AGBL4: variants seen among roughly 807,000 people sequenced by gnomAD.
The protein encoded by AGBL4 is cytosolic carboxypeptidase 6.
AGBL4 carries 58 observed loss-of-function variants against 66.4 expected under a neutral mutation model. That is an observed-to-expected ratio of 0.87 (90% CI 0.71 to 1.09). AGBL4 has a LOEUF of 1.09. AGBL4 is among the 50% of genes least tolerant of loss of function. The probability of loss-of-function intolerance (pLI) is 0.00; values close to 1 mark genes in which losing one functional copy is unlikely to be tolerated. For synonymous variants in AGBL4, 234 were observed against 222.9 expected, an observed-to-expected ratio of 1.05 and a Z score of -0.44; for missense variants, 579 against 631.0, an observed-to-expected ratio of 0.92 and a Z score of 0.88.
chr1:48,632,716 G>A (rs1438744822), intron 9 of AGBL4, among the ~76,000 whole-genome samples: 2 of 152,186 alleles, frequency 1.3e-5, no homozygotes, highest in Non-Finnish European at 2.9e-5. Context: ...AACTCAACAT[G>A]CAGTTATTGA....
chr1:49,767,338 C>T (rs1571522176), intron 2 of AGBL4, among the ~76,000 whole-genome samples: 1 of 151,970 alleles, frequency 6.6e-6, no homozygotes, highest in East Asian at 1.9e-4. Context: ...GAAAATTAAA[C>T]AACTTGATCC....
At chr1:49,310,200 A>G (rs1644919406) in intron 3 of AGBL4, among the ~76,000 whole-genome samples, 1 of 152,158 alleles carries the variant, frequency 6.6e-6, no homozygotes, top group South Asian at 2.1e-4. Context: ...ACAATGTGCC[A>G]GATTAAGTAG....
At chr1:49,978,155 C>T (rs972935722) in intron 1 of AGBL4, among the ~76,000 whole-genome samples, 1 of 152,142 alleles carries the variant, frequency 6.6e-6, no homozygotes, top group Non-Finnish European at 1.5e-5. Context: ...CACAAACATA[C>T]ATACAAATAA....
intron 6 of AGBL4, among the ~76,000 whole-genome samples, chr1:48,834,362 A>C (rs1240164632): frequency 6.6e-6 from 1 of 152,132 alleles, no homozygotes; most frequent in African/African-American, 2.4e-5. Flanking sequence ...TTTGCATGAG[A>C]GAACGATGTG....
chr1:49,222,171 A>G (rs1187067505), intron 4 of AGBL4, among the ~76,000 whole-genome samples: 1 of 152,158 alleles, frequency 6.6e-6, no homozygotes, highest in Non-Finnish European at 1.5e-5. Context: ...CCCATATTAT[A>G]TATGTCTTTA....
intron 3 of AGBL4, among the ~76,000 whole-genome samples, chr1:49,321,840 T>G: frequency 6.6e-6 from 1 of 152,194 alleles, no homozygotes; most frequent in East Asian, 1.9e-4. Flanking sequence ...GTGATTATCG[T>G]TGGCCAATAA....
intron 3 of AGBL4, among the ~76,000 whole-genome samples, chr1:49,617,035 C>A (rs187048700): frequency 6.6e-6 from 1 of 152,244 alleles, no homozygotes; most frequent in Admixed American, 6.5e-5. Context: ...TGGTGCCACT[C>A]CAGGATTCAC....
At chr1:49,760,106 T>G (rs1470612870) in intron 2 of AGBL4, among the ~76,000 whole-genome samples, 2 of 93,084 alleles carry the variant, frequency 2.1e-5, no homozygotes, top group East Asian at 4.2e-4. Flanking sequence ...TTAATTTTTT[T>G]GAAAATTGTT....
intron 2 of AGBL4, among the ~76,000 whole-genome samples, chr1:49,723,342 G>A (rs1402732249): frequency 4.0e-5 from 6 of 151,822 alleles, no homozygotes; most frequent in South Asian, 2.1e-4. Context: ...TGCTTCTAAC[G>A]CCAGCAAGCC....
chr1:48,689,738 G>T (rs1461987781), intron 6 of AGBL4, among the ~76,000 whole-genome samples: 1 of 152,136 alleles, frequency 6.6e-6, no homozygotes, highest in Non-Finnish European at 1.5e-5. Flanking sequence ...AGGCTAGTCA[G>T]ATTTTAAAAA....
rs1019871138 is a variant in AGBL4, at chr1:48,746,220, T to C, written c.635-82979A>G. 4.6e-5 allele frequency among the ~76,000 whole-genome samples: 7 copies of C among 152,238 alleles called. No homozygotes were observed. The South Asian group carries it at 1.4e-3, about 31-fold the overall frequency. On this transcript the variant is annotated intron_variant, in intron 6 of 13. Transcript: ENST00000371839. ...ATGAAACAATGATTTCAGAGTCTAG[T>C]ACAGAGTGGGTTTTTTTGGTAAATA...
intron 5 of AGBL4, among the ~76,000 whole-genome samples, chr1:48,929,977 A>G (rs1654903345): frequency 6.6e-6 from 1 of 152,088 alleles, no homozygotes; most frequent in African/African-American, 2.4e-5. Flanking sequence ...AATGGGCAGG[A>G]CTTGTCTCCT....
chr1:49,205,502 C>T (rs544008035), intron 4 of AGBL4, among the ~76,000 whole-genome samples: 2 of 152,158 alleles, frequency 1.3e-5, no homozygotes, highest in Non-Finnish European at 2.9e-5. Flanking sequence ...CTCCATCCTA[C>T]CCCTGGACCC....
downstream of AGBL4, among the ~76,000 whole-genome samples, chr1:48,532,597 T>C (rs12128908): frequency 0.072 from 10,923 of 152,270 alleles, 519 homozygotes; most frequent in South Asian, 0.15. Flanking sequence ...TTTCATGCTA[T>C]CTAAAATGAT....
chr1:49,635,218 A>G (rs895908468), intron 3 of AGBL4, among the ~76,000 whole-genome samples: 1 of 152,190 alleles, frequency 6.6e-6, no homozygotes, highest in African/African-American at 2.4e-5. Context: ...TTTAATTCAT[A>G]CTTCATATCA....
intron 3 of AGBL4, among the ~76,000 whole-genome samples, chr1:49,497,971 G>A (rs530070675): frequency 2.0e-5 from 3 of 151,814 alleles, no homozygotes; most frequent in South Asian, 2.1e-4. Flanking sequence ...GGGTAATATG[G>A]ACATTTTTAA....
At chr1:49,801,401 G>A (rs889841995) in intron 2 of AGBL4, among the ~76,000 whole-genome samples, 3 of 152,132 alleles carry the variant, frequency 2.0e-5, no homozygotes, top group African/African-American at 4.8e-5. Flanking sequence ...TTTAAACAGA[G>A]GACTTGCTAA....
intron 4 of AGBL4, among the ~76,000 whole-genome samples, chr1:49,103,195 A>T (rs1163907505): frequency 6.6e-6 from 1 of 152,172 alleles, no homozygotes; most frequent in Non-Finnish European, 1.5e-5. Context: ...ATTTGGGATT[A>T]GAGTCTACTG....
intron 3 of AGBL4, among the ~76,000 whole-genome samples, chr1:49,471,767 A>G (rs1348646106): frequency 6.6e-6 from 1 of 151,316 alleles, no homozygotes; most frequent in Non-Finnish European, 1.5e-5. Flanking sequence ...AACACCACAG[A>G]AAAAAAACTG....
Sources: gnomAD v4.1 joint callset for allele counts (sites outside exome capture counted in the v4.1 genomes callset) on GRCh38, gnomAD v4.1.1 for gene constraint, MANE v1.5 for transcripts, NCBI Gene and HGNC (gene_info 2026-07-23, HGNC 2026-07-21) for gene names.